Variants in CHD6 observed in about 807,000 individuals in gnomAD.
The protein encoded by CHD6 is ATP-dependent chromatin remodeler CHD6.
A neutral mutation model predicts 276.9 loss-of-function variants in CHD6; 50 were observed. That is an observed-to-expected ratio of 0.18 (90% confidence interval 0.14 to 0.23). The LOEUF is 0.23. Among genes scored for constraint, CHD6 ranks in the 10% least tolerant of loss-of-function variants. The probability of loss-of-function intolerance (pLI) is 1.00; values close to 1 mark genes in which losing one functional copy is unlikely to be tolerated. For synonymous variants in CHD6, 1,173 were observed against 1,229.3 expected (o/e 0.95, Z 0.96); for missense variants, 2,564 against 3,365.8 (o/e 0.76, Z 5.89).
At chr20:41,554,434 G>T (rs1008063602) in intron 1 of CHD6, among the ~76,000 whole-genome samples, 1 of 150,756 alleles carries the variant, frequency 6.6e-6, no homozygotes, top group Non-Finnish European at 1.5e-5. Context: ...GGTGTTTCTC[G>T]CAGAGGGGGA....
At chr20:41,605,819 C>CA in intron 1 of CHD6, among the ~76,000 whole-genome samples, 1 of 152,078 alleles carries the variant, frequency 6.6e-6, no homozygotes, top group East Asian at 1.9e-4. Flanking sequence ...TATTTAATAA[C>CA]AAAAAGGAAA....
chr20:41,498,791 A>ATGTG (rs2043749512), intron 6 of CHD6, among the ~76,000 whole-genome samples: 1 of 91,976 alleles, frequency 1.1e-5, no homozygotes, highest in Admixed American at 1.2e-4. Context: ...GTATGTATGT[A>ATGTG]TGTATGTATG....
intron 8 of CHD6, among the ~76,000 whole-genome samples, chr20:41,496,286 G>A (rs1391659406): frequency 6.6e-6 from 1 of 152,194 alleles, no homozygotes; most frequent in South Asian, 2.1e-4. Context: ...CAAGAACAAT[G>A]TAGGATATTA....
chr20:41,565,765 T>C (rs1170173728), intron 1 of CHD6, among the ~76,000 whole-genome samples: 1 of 152,146 alleles, frequency 6.6e-6, no homozygotes, highest in Non-Finnish European at 1.5e-5. Flanking sequence ...AATGTTCTAT[T>C]TGGGGCGCTC....
intron 1 of CHD6, among the ~76,000 whole-genome samples, chr20:41,566,942 C>G (rs896006229): frequency 6.6e-6 from 1 of 152,092 alleles, no homozygotes; most frequent in African/African-American, 2.4e-5. Flanking sequence ...ACAAGAGGGC[C>G]CAACCGTGAC....
chr20:41,463,804 G>C (rs965596556), intron 17 of CHD6, among the ~76,000 whole-genome samples: 2 of 152,198 alleles, frequency 1.3e-5, no homozygotes, highest in Non-Finnish European at 2.9e-5. Context: ...GATAAGACTT[G>C]AATATGAACT....
rs1569100153 is a variant in CHD6, at chr20:41,457,563, G to A, written c.2665-135C>T. The A allele has an allele frequency of 2.8e-6, 3 of 1,079,950 alleles. No individual in the cohort carries two copies. The East Asian group carries it at 7.9e-5, about 28-fold the overall frequency. The allele number at this position is 1,079,950 out of a possible 1,614,324, so 66.9% of individuals were successfully genotyped here. ...GTTACAAGTAACAGGACTGATTTCA[G>A]AACAGAATTTATACCCAAAGGTTGG... On this transcript the variant is annotated intron_variant, in intron 17 of 36. Transcript: ENST00000373233.
chr20:41,603,093 C>T (rs1401961042), intron 1 of CHD6, among the ~76,000 whole-genome samples: 1 of 152,158 alleles, frequency 6.6e-6, no homozygotes, highest in East Asian at 1.9e-4. Flanking sequence ...TGGCTCATGC[C>T]TGTAAACCCA....
intron 13 of CHD6, among the ~76,000 whole-genome samples, 185 bp downstream of exon 13, chr20:41,488,243 T>C (rs117019190): frequency 1.3e-3 from 203 of 152,320 alleles, no homozygotes; most frequent in Admixed American, 5.8e-3. Context: ...AAAGGTCAAA[T>C]TGTTGACCCA....
chr20:41,495,420 A>T (rs1198714185), intron 8 of CHD6, among the ~76,000 whole-genome samples: 1 of 152,208 alleles, frequency 6.6e-6, no homozygotes, highest in Non-Finnish European at 1.5e-5. Flanking sequence ...AAACTCATAG[A>T]AGCAGAGAGT....
intron 3 of CHD6, among the ~76,000 whole-genome samples, chr20:41,529,516 AC>A (rs1409386651): frequency 6.6e-6 from 1 of 152,132 alleles, no homozygotes; most frequent in Non-Finnish European, 1.5e-5. Context: ...ACACAGGTAC[AC>A]TGGTTTGGGG....
At chr20:41,480,827 G>GCACATACATAGAATGATGT (rs1569123699) in intron 16 of CHD6, among the ~76,000 whole-genome samples, 2 of 152,098 alleles carry the variant, frequency 1.3e-5, no homozygotes, top group African/African-American at 4.8e-5. Context: ...AGAATGATAT[G>GCACATACATAGAATGATGT]GCTCTTTAAA....
chr20:41,486,440 T>C (rs2043415992), intron 14 of CHD6, among the ~76,000 whole-genome samples: 1 of 152,190 alleles, frequency 6.6e-6, no homozygotes, highest in Non-Finnish European at 1.5e-5. Flanking sequence ...AGCTGGCTTT[T>C]GAAAATCAAT....
At chr20:41,495,304 G>T (rs529636338) in intron 8 of CHD6, among the ~76,000 whole-genome samples, 1 of 152,196 alleles carries the variant, frequency 6.6e-6, no homozygotes, top group African/African-American at 2.4e-5. Context: ...CCCATCATTT[G>T]CAACAACATG....
chr20:41,444,631 G>C (rs1218085656), intron 25 of CHD6, among the ~76,000 whole-genome samples: 1 of 152,096 alleles, frequency 6.6e-6, no homozygotes, highest in Non-Finnish European at 1.5e-5. Context: ...AAAAGTTGAA[G>C]AATTCCCTTT....
At chr20:41,603,988 A>G (rs1227809663) in intron 1 of CHD6, among the ~76,000 whole-genome samples, 2 of 118,728 alleles carry the variant, frequency 1.7e-5, no homozygotes, top group African/African-American at 6.4e-5. Context: ...TCCTGTGTGC[A>G]TGTGTGCGCA....
At chr20:41,520,416 A>C (rs767734484) in intron 3 of CHD6, among the ~76,000 whole-genome samples, 1 of 152,218 alleles carries the variant, frequency 6.6e-6, no homozygotes, top group Non-Finnish European at 1.5e-5. Flanking sequence ...ACTTGGAACC[A>C]ACCCAAATGT....
chr20:41,532,311 C>G (rs1420105073), intron 3 of CHD6, among the ~76,000 whole-genome samples: 1 of 152,164 alleles, frequency 6.6e-6, no homozygotes, highest in Non-Finnish European at 1.5e-5. Context: ...ATAAACAGAT[C>G]AGGAATGGTC....
intron 5 of CHD6, among the ~76,000 whole-genome samples, chr20:41,508,999 A>G (rs1417522924): frequency 1.3e-5 from 2 of 152,182 alleles, no homozygotes; most frequent in South Asian, 2.1e-4. Context: ...TCTTTATACT[A>G]GCTACTAACC....
Sources: gnomAD v4.1 joint callset for allele counts (sites outside exome capture counted in the v4.1 genomes callset) on GRCh38, gnomAD v4.1.1 for gene constraint, MANE v1.5 for transcripts, NCBI Gene and HGNC (gene_info 2026-07-23, HGNC 2026-07-21) for gene names.